The following HELZ variants were observed in gnomAD, a reference collection of about 807,000 sequenced individuals.
HELZ encodes ATP-dependent RNA helicase with zinc finger domain.
A neutral mutation model predicts 218.2 loss-of-function variants in HELZ; 23 were observed. The observed-to-expected ratio is 0.11, with a 90% CI of 0.08 to 0.15. The LOEUF (loss-of-function observed/expected upper bound fraction) is 0.15. HELZ is among the 10% of genes least tolerant of loss of function. The pLI is 1.00. For synonymous variants in HELZ, 814 were observed against 829.4 expected, an observed-to-expected ratio of 0.98 and a Z score of 0.32; for missense variants, 1,813 against 2,353.7, an observed-to-expected ratio of 0.77 and a Z score of 4.75.
intron 6 of HELZ, among the ~76,000 whole-genome samples, chr17:67,203,005 C>T (rs1362585871): frequency 2.0e-5 from 3 of 151,788 alleles, no homozygotes; most frequent in African/African-American, 7.3e-5. Context: ...ATCTGTAGTC[C>T]CAGCTACTCA....
chr17:67,213,276 C>T (rs2143242876), intron 5 of HELZ, among the ~76,000 whole-genome samples: 1 of 152,282 alleles, frequency 6.6e-6, no homozygotes, highest in Non-Finnish European at 1.5e-5. Context: ...AGAGACTGGG[C>T]AGTCTCGTAT....
At chr17:67,143,972 T>C (rs977053998) in intron 21 of HELZ, among the ~76,000 whole-genome samples, 2 of 152,220 alleles carry the variant, frequency 1.3e-5, no homozygotes, top group Non-Finnish European at 2.9e-5. Flanking sequence ...AAGACTATCT[T>C]ATTTTCCTAA....
At chr17:67,084,335 T>C (rs540272923) in intron 32 of HELZ, among the ~76,000 whole-genome samples, 1 of 152,288 alleles carries the variant, frequency 6.6e-6, no homozygotes, top group African/African-American at 2.4e-5. Context: ...TTTTTATTAA[T>C]TTCAGCAAAA....
At chr17:67,226,772 G>C (rs1264974862) in intron 3 of HELZ, among the ~76,000 whole-genome samples, 1 of 152,110 alleles carries the variant, frequency 6.6e-6, no homozygotes, top group Non-Finnish European at 1.5e-5. Context: ...TGAATAAACA[G>C]ACCTCTTTGT....
intron 27 of HELZ, among the ~76,000 whole-genome samples, chr17:67,116,306 T>C (rs548785733): frequency 6.5e-4 from 99 of 151,484 alleles, no homozygotes; most frequent in Non-Finnish European, 1.1e-3. Context: ...AGCAAGATGA[T>C]AGAATCAAAC....
intron 1 of HELZ, 38 bp downstream of exon 1, chr17:67,245,110 C>A (rs774946377): frequency 1.0e-6 from 1 of 984,814 alleles, no homozygotes; most frequent in African/African-American, 1.7e-5. Context: ...GCTCGCGGAG[C>A]GGCCCCAGGA....
intron 17 of HELZ, among the ~76,000 whole-genome samples, chr17:67,160,027 A>T (rs1051208479): frequency 5.9e-5 from 9 of 152,188 alleles, no homozygotes; most frequent in African/African-American, 2.2e-4. Context: ...GGTTGAAACA[A>T]TACACACAAA....
chr17:67,232,052 C>CA (rs754429326), intron 3 of HELZ, among the ~76,000 whole-genome samples: 1,358 of 40,150 alleles, frequency 0.034, 21 homozygotes, highest in East Asian at 0.076. Flanking sequence ...GACTCCATCT[C>CA]AAAAAAAAAA....
intron 31 of HELZ, among the ~76,000 whole-genome samples, chr17:67,089,647 T>TTTTATATATATATA (rs1555595322): frequency 1.8e-5 from 1 of 54,266 alleles, no homozygotes; most frequent in African/African-American, 6.8e-5. Flanking sequence ...ATTGGAGATT[T>TTTTATATATATATA]TATATATATA....
At chr17:67,129,757 G>A (rs1432965810) in intron 23 of HELZ, among the ~76,000 whole-genome samples, 31 of 152,026 alleles carry the variant, frequency 2.0e-4, no homozygotes, top group Admixed American at 2.0e-3. Context: ...ACATACCGTT[G>A]TTTCTAGGTT....
intron 3 of HELZ, among the ~76,000 whole-genome samples, chr17:67,219,088 C>T (rs1436517051): frequency 6.6e-6 from 1 of 152,082 alleles, no homozygotes; most frequent in East Asian, 1.9e-4. Flanking sequence ...ATAAATGAGG[C>T]AAATTTAGAA....
chr17:67,242,079 C>T (rs1031868334), intron 2 of HELZ, among the ~76,000 whole-genome samples: 1 of 152,192 alleles, frequency 6.6e-6, no homozygotes, highest in Non-Finnish European at 1.5e-5. Context: ...AGTCAAAAAG[C>T]AGACCACTGG....
At chr17:67,198,092 T>C (rs2040077108) in intron 7 of HELZ, among the ~76,000 whole-genome samples, 1 of 152,228 alleles carries the variant, frequency 6.6e-6, no homozygotes, top group Admixed American at 6.5e-5. Flanking sequence ...ATAGATAGGC[T>C]AAAAATTAAC....
Position 67,120,319 on chromosome 17 carries a change from A to G in HELZ, c.3838+86T>C, listed in dbSNP as rs1342077695. On this transcript the variant is annotated intron_variant, in intron 27 of 32. Transcript: ENST00000358691. ...TCTATAATCCATGAAAAAGTTAACAATCATACTGTTAAAGGAACTTTCTAT... is the reference window on the plus strand; with the variant it reads ...TCTATAATCCATGAAAAAGTTAACAGTCATACTGTTAAAGGAACTTTCTAT... 5 of 1,101,702 alleles carry G rather than the reference A, an allele frequency of 4.5e-6. No individual in the cohort carries two copies. The African/African-American group carries it at 6.2e-5, about 14-fold the overall frequency. The allele number at this position is 1,101,702 out of a possible 1,614,324, so 68.2% of individuals were successfully genotyped here.
intron 12 of HELZ, among the ~76,000 whole-genome samples, chr17:67,183,968 G>C (rs982393144): frequency 2.6e-5 from 4 of 151,214 alleles, no homozygotes; most frequent in African/African-American, 9.7e-5. Flanking sequence ...CCTACGAATA[G>C]AAAAGGTCTG....
chr17:67,096,302 T>C (rs117457144), intron 31 of HELZ, among the ~76,000 whole-genome samples: 1,665 of 152,276 alleles, frequency 0.011, 19 homozygotes, highest in South Asian at 0.018. Flanking sequence ...CTTAGGATTT[T>C]TGGAATGGTA....
intron 21 of HELZ, among the ~76,000 whole-genome samples, chr17:67,140,507 G>A (rs1255729729): frequency 6.6e-6 from 1 of 152,148 alleles, no homozygotes; most frequent in East Asian, 1.9e-4. Flanking sequence ...ATCAGCAAAC[G>A]TGAAGATACA....
chr17:67,245,112 G>C (rs1042923821), intron 1 of HELZ, 36 bp downstream of exon 1: 2 of 984,908 alleles, frequency 2.0e-6, no homozygotes, highest in Non-Finnish European at 2.4e-6. Context: ...TCGCGGAGCG[G>C]CCCCAGGAGC....
intron 3 of HELZ, among the ~76,000 whole-genome samples, chr17:67,235,877 C>T (rs572798070): frequency 1.7e-4 from 25 of 151,374 alleles, no homozygotes; most frequent in Middle Eastern, 6.8e-3. Flanking sequence ...TCTCCTGCCT[C>T]AGACTCCCGA....
Sources: gnomAD v4.1 joint callset for allele counts (sites outside exome capture counted in the v4.1 genomes callset) on GRCh38, gnomAD v4.1.1 for gene constraint, MANE v1.5 for transcripts, NCBI Gene and HGNC (gene_info 2026-07-23, HGNC 2026-07-21) for gene names.